Variants in ANKRD11 observed in about 807,000 individuals in gnomAD.
ANKRD11 encodes ankyrin repeat domain-containing protein 11.
ANKRD11 carries 17 observed loss-of-function variants against 195.7 expected under a neutral mutation model. The observed-to-expected ratio is 0.09, with a 90% CI of 0.06 to 0.13. ANKRD11 has a LOEUF of 0.13. Among genes scored for constraint, ANKRD11 ranks in the 10% least tolerant of loss-of-function variants. ANKRD11 has a pLI of 1.00. For missense variants in ANKRD11, 3,735 were observed against 3,566.1 expected, an observed-to-expected ratio of 1.05 and a Z score of -1.21; for synonymous variants, 1,953 against 1,528.1, an observed-to-expected ratio of 1.28 and a Z score of -6.49.
At chr16:89,426,949 C>T (rs1260808654) in intron 1 of ANKRD11, among the ~76,000 whole-genome samples, 1 of 152,200 alleles carries the variant, frequency 6.6e-6, no homozygotes, top group Non-Finnish European at 1.5e-5. Context: ...GACATCAGGA[C>T]ACCTGTTACC....
At chr16:89,461,650 C>T (rs2056675232) in intron 1 of ANKRD11, among the ~76,000 whole-genome samples, 1 of 152,138 alleles carries the variant, frequency 6.6e-6, no homozygotes, top group South Asian at 2.1e-4. Flanking sequence ...TTAATAATTC[C>T]ATTTTAATAC....
At chr16:89,451,473 G>A (rs758831205) in intron 1 of ANKRD11, among the ~76,000 whole-genome samples, 1 of 137,846 alleles carries the variant, frequency 7.3e-6, no homozygotes, top group Non-Finnish European at 1.5e-5. Flanking sequence ...GTGCAGTTGT[G>A]TGATCTCAGC....
In ANKRD11 at chr16:89,284,288, A is replaced by C. The variant is rs1567578365; in HGVS notation, c.2254T>G (p.Ser752Ala). 5.0e-6 allele frequency: 8 copies of C among 1,611,950 alleles called. No individual in the cohort carries two copies. The highest frequency in any genetic ancestry group is 6.8e-6 in the Non-Finnish European group (8 of 1,179,562). Residue 752 changes from serine (S) to alanine (A), a missense_variant, in exon 9 of 13, where the codon TCT becomes GCT. Physicochemically the swap from Ser to Ala is moderately conservative, Grantham distance 99 (BLOSUM62 1). Transcript: ENST00000301030. ...AGTCTCAGTTTTTCTTCTTTCGGAG[A>C]CTTTTCCTTCAGCGATCTCTCCTTT... is the stretch of plus-strand genomic sequence containing the variant. ...AEKERSLKEK[S>A]PKEEKLRLYK...
chr16:89,280,418 C>T lies in ANKRD11; in HGVS notation c.6124G>A (p.Asp2042Asn), dbSNP rs2034103776. ...PGLEDVKDGV[D>N]AVPAAISTSE... The stretch of plus-strand genomic sequence containing the variant: ...GTGGAGATGGCGGCGGGGACGGCGT[C>T]CACTCCGTCCTTGACGTCCTCCAGC... Residue 2042 changes from aspartate to asparagine, a missense_variant, in exon 9 of 13, where the codon GAC (aspartate) becomes AAC (asparagine). Physicochemically the swap from Asp to Asn is conservative, Grantham distance 23. Coordinates refer to ENST00000301030, the MANE Select transcript of ANKRD11 (RefSeq NM_013275.6). The T allele has an allele frequency of 6.4e-7, 1 of 1,567,276 alleles. No individual in the cohort carries two copies. Among genetic ancestry groups the T allele is most frequent in the African/African-American group, 1.4e-5 (1 of 73,754 alleles).
At chr16:89,435,594 A>G (rs941295100) in intron 1 of ANKRD11, among the ~76,000 whole-genome samples, 9 of 152,232 alleles carry the variant, frequency 5.9e-5, no homozygotes, top group Admixed American at 5.2e-4. Context: ...CGGACACACC[A>G]TCTTTAAGAA....
At chr16:89,320,349 C>T (rs1459124117) in intron 2 of ANKRD11, 3 of 152,202 alleles carry the variant, frequency 2.0e-5, no homozygotes, top group Admixed American at 2.0e-4. Context: ...CCTAAATCTC[C>T]CTCATTTCCA....
chr16:89,430,447 C>T (rs893772410), intron 1 of ANKRD11, among the ~76,000 whole-genome samples: 33 of 148,832 alleles, frequency 2.2e-4, no homozygotes, highest in Non-Finnish European at 4.0e-4. Context: ...TCAACTCTCA[C>T]GCTCAGTCGT....
chr16:89,323,498 AGAGCCCAGGGCAGGGGGGCT>A (rs2037480454), intron 2 of ANKRD11, among the ~76,000 whole-genome samples: 5 of 18,486 alleles, frequency 2.7e-4, no homozygotes, highest in African/African-American at 1.4e-3. Flanking sequence ...GCAGGGGGGC[AGAGCCCAGGGCAGGGGGGCT>A]GAGCCGAGGG....
intron 1 of ANKRD11, among the ~76,000 whole-genome samples, chr16:89,448,113 C>T (rs746149193): frequency 4.1e-5 from 6 of 146,738 alleles, no homozygotes; most frequent in Non-Finnish European, 6.1e-5. Context: ...TATTCTCTCA[C>T]TGAAGCAGGG....
chr16:89,328,711 G>A (rs1346068716), intron 2 of ANKRD11, among the ~76,000 whole-genome samples: 6 of 145,042 alleles, frequency 4.1e-5, no homozygotes, highest in Non-Finnish European at 9.0e-5. Context: ...ATCAGTGGAG[G>A]CCCCTGCTGA....
At chr16:89,387,731 G>A (rs1054158443) in intron 2 of ANKRD11, among the ~76,000 whole-genome samples, 4 of 149,226 alleles carry the variant, frequency 2.7e-5, no homozygotes, top group Admixed American at 6.7e-5. Flanking sequence ...GGCCGGGCAC[G>A]GTAGCTTGCG....
rs550350877 is a variant in ANKRD11, at chr16:89,343,429, G to T, written c.-59-26351C>A. Among the ~76,000 whole-genome samples, 7 of 152,330 alleles carry T rather than the reference G, an allele frequency of 4.6e-5. No homozygotes were observed. In the South Asian group the frequency reaches 1.2e-3, roughly 27 times the overall value. On this transcript the variant is annotated intron_variant, in intron 2 of 12. Coordinates refer to ENST00000301030, the MANE Select transcript of ANKRD11 (RefSeq NM_013275.6). The stretch of plus-strand genomic sequence containing the variant: ...TCAAAGTAAAAATCAGCTCAGATTT[G>T]TGTTTTTATGTGTAATCTCTTAAAA...
chr16:89,303,881 C>T (rs551202294), intron 4 of ANKRD11, among the ~76,000 whole-genome samples: 2 of 152,342 alleles, frequency 1.3e-5, no homozygotes, highest in Admixed American at 1.3e-4. Flanking sequence ...GAGCTCTTCT[C>T]ACCTGGACCA....
At chr16:89,360,836 C>G (rs1250227966) in intron 2 of ANKRD11, 1 of 152,280 alleles carries the variant, frequency 6.6e-6, no homozygotes, top group African/African-American at 2.4e-5. Context: ...GATACCTGGT[C>G]AGTCACAGCC....
chr16:89,326,484 C>T (rs538955997), intron 2 of ANKRD11, among the ~76,000 whole-genome samples: 1 of 152,216 alleles, frequency 6.6e-6, no homozygotes, highest in South Asian at 2.1e-4. Context: ...GTGGCTCACC[C>T]CTGTGGTCCC....
At chr16:89,306,345 C>T (rs1401619120) in intron 3 of ANKRD11, among the ~76,000 whole-genome samples, 2 of 84,406 alleles carry the variant, frequency 2.4e-5, no homozygotes, top group Non-Finnish European at 4.5e-5. Context: ...CGCAGACACG[C>T]GCCACCTACC....
At chr16:89,347,141 G>A (rs1247334086) in intron 2 of ANKRD11, among the ~76,000 whole-genome samples, 5 of 152,172 alleles carry the variant, frequency 3.3e-5, no homozygotes, top group African/African-American at 1.2e-4. Context: ...GGCATCAGAG[G>A]AAGCAGCAAG....
intron 6 of ANKRD11, among the ~76,000 whole-genome samples, chr16:89,289,605 C>T (rs1049003683): frequency 6.6e-6 from 1 of 152,186 alleles, no homozygotes; most frequent in African/African-American, 2.4e-5. Flanking sequence ...TCCAGGGTGT[C>T]GACCCAGCCG....
intron 2 of ANKRD11, among the ~76,000 whole-genome samples, chr16:89,319,189 C>T (rs1386552447): frequency 1.3e-5 from 2 of 152,242 alleles, no homozygotes; most frequent in Non-Finnish European, 2.9e-5. Context: ...CACGGACACA[C>T]TCAACAGCTC....
Sources: gnomAD v4.1 joint callset for allele counts (sites outside exome capture counted in the v4.1 genomes callset) on GRCh38, gnomAD v4.1.1 for gene constraint, MANE v1.5 for transcripts, NCBI Gene and HGNC (gene_info 2026-07-23, HGNC 2026-07-21) for gene names.